PPARD: variants seen among roughly 807,000 people sequenced by gnomAD.
PPARD encodes the protein peroxisome proliferator activated receptor delta.
Under a neutral mutation model 39.5 loss-of-function variants are expected in PPARD, and 6 were observed. That is an observed-to-expected ratio of 0.15 (90% CI 0.08 to 0.30). PPARD has a LOEUF of 0.30. Among genes scored for constraint, PPARD ranks in the 10% least tolerant of loss-of-function variants. The pLI is 1.00. For synonymous variants in PPARD, 210 were observed against 231.3 expected (o/e 0.91, Z 0.83); for missense variants, 397 against 596.8 (o/e 0.67, Z 3.49).
chr6:35,406,219 A>T, intron 2 of PPARD, among the ~76,000 whole-genome samples: 1 of 152,322 alleles, frequency 6.6e-6, no homozygotes, highest in Non-Finnish European at 1.5e-5. Context: ...AGCCATGCCC[A>T]GCCCAGCCTG....
At chr6:35,399,471 C>G (rs1015231700) in intron 2 of PPARD, among the ~76,000 whole-genome samples, 9 of 149,794 alleles carry the variant, frequency 6.0e-5, no homozygotes, top group Admixed American at 2.0e-4. Flanking sequence ...TTTGAGATGC[C>G]AAGGCGGGAG....
chr6:35,393,537 T>G (rs1244475134), intron 2 of PPARD, among the ~76,000 whole-genome samples: 1 of 152,202 alleles, frequency 6.6e-6, no homozygotes, highest in Non-Finnish European at 1.5e-5. Context: ...CTCCTGGCTC[T>G]GAGTCCTGAG....
chr6:35,408,252 G>C (rs1765184908), intron 2 of PPARD, among the ~76,000 whole-genome samples: 1 of 152,238 alleles, frequency 6.6e-6, no homozygotes, highest in Non-Finnish European at 1.5e-5. Flanking sequence ...GCTCCTCCTG[G>C]TAGATTTCTG....
At chr6:35,410,232 C>T (rs74373221) in intron 2 of PPARD, among the ~76,000 whole-genome samples, 2 of 152,302 alleles carry the variant, frequency 1.3e-5, no homozygotes, top group Non-Finnish European at 2.9e-5. Flanking sequence ...CAGACATTTC[C>T]CCGCTGGGAG....
chr6:35,386,105 G>A (rs1763639323), intron 2 of PPARD, among the ~76,000 whole-genome samples: 1 of 152,148 alleles, frequency 6.6e-6, no homozygotes, highest in Non-Finnish European at 1.5e-5. Context: ...CAGGACCAGG[G>A]CAGCAGCCAA....
rs9658058 is a variant in PPARD at position 35,342,655 on chromosome 6, C to T, written c.-212C>T. The T allele has an allele frequency of 0.074, 11,304 of 152,852 alleles. 771 individuals are homozygous for T. Among genetic ancestry groups the T allele is most frequent in the African/African-American group, 0.18 (7,482 of 41,560 alleles). The allele number at this position is 152,852 out of a possible 1,614,324, so 9.5% of individuals were successfully genotyped here. ...TTCTGCGGAGCCTGCGGGACGGCGG[C>T]GGTGGCGCCGTAGGCAGCCGGGACA... On this transcript the variant is annotated 5_prime_UTR_variant, in exon 1 of 8. Coordinates refer to ENST00000360694, the MANE Select transcript of PPARD (RefSeq NM_006238.5).
Position 35,420,256 on chromosome 6 carries a change from G to T in PPARD, c.260G>T (p.Gly87Val). The change falls in exon 4 of 8, where the codon GGT (glycine) becomes GTT (valine). Residue 87 changes from glycine to valine, a missense_variant. Physicochemically the swap from Gly to Val is moderately radical, Grantham distance 109. Transcript: ENST00000360694. ...CGDKASGFHY[G>V]VHACEGCKGF... ...GACAAGGCATCGGGCTTCCACTACG[G>T]TGTTCATGCATGTGAGGGGTGCAAG... 1 of 1,594,626 alleles carries T rather than the reference G, an allele frequency of 6.3e-7. No homozygotes were observed. The highest frequency in any genetic ancestry group is 8.5e-7 in the Non-Finnish European group (1 of 1,170,038).
At chr6:35,410,934 C>A in intron 2 of PPARD, 53 bp from the exon 3 acceptor site, 1 of 1,257,882 alleles carries the variant, frequency 7.9e-7, no homozygotes, top group Non-Finnish European at 1.0e-6. Context: ...TCGCACCATC[C>A]TCTTCCTTGT....
At chr6:35,385,759 G>A (rs1249007055) in intron 2 of PPARD, among the ~76,000 whole-genome samples, 3 of 152,064 alleles carry the variant, frequency 2.0e-5, no homozygotes, top group Non-Finnish European at 1.5e-5. Context: ...GCCCCTGCGA[G>A]GCCTCCGTGT....
intron 2 of PPARD, among the ~76,000 whole-genome samples, chr6:35,371,426 A>G (rs532824314): frequency 1.4e-4 from 21 of 152,050 alleles, no homozygotes; most frequent in Non-Finnish European, 1.5e-5. Context: ...ACCAAATACT[A>G]AAGTTCTTTT....
intron 2 of PPARD, among the ~76,000 whole-genome samples, chr6:35,404,020 G>C (rs1764866426): frequency 6.6e-6 from 1 of 152,212 alleles, no homozygotes; most frequent in South Asian, 2.1e-4. Context: ...CTTTGACCAA[G>C]GTGTTCTTGA....
chr6:35,345,230 A>G (rs369291205), intron 1 of PPARD, among the ~76,000 whole-genome samples: 43 of 152,262 alleles, frequency 2.8e-4, no homozygotes, highest in African/African-American at 6.5e-4. Context: ...ATGATTGTCA[A>G]TTACCAAATT....
intron 4 of PPARD, 43 bp from the exon 5 acceptor site, chr6:35,421,777 C>G (rs1370246283): frequency 6.4e-7 from 1 of 1,565,382 alleles, no homozygotes; most frequent in East Asian, 2.3e-5. Context: ...AGCCTCCCTC[C>G]CACCTCCTGG....
chr6:35,400,094 A>AT (rs1764608348), intron 2 of PPARD, among the ~76,000 whole-genome samples: 1 of 152,036 alleles, frequency 6.6e-6, no homozygotes, highest in African/African-American at 2.4e-5. Context: ...TAACTGTGGG[A>AT]TTTTTCCATG....
chr6:35,424,917 G>A lies in PPARD; in HGVS notation c.1078+138G>A. ...TGATCTTGGCAGTGGAACATGCAAG[G>A]CACTGACTGAGCATGCAGGATCAGC... On this transcript the variant is annotated intron_variant, in intron 7 of 7. Coordinates refer to ENST00000360694, the MANE Select transcript of PPARD (RefSeq NM_006238.5). The surrounding 1 kb of genome is among the most constrained non-coding windows in gnomAD (Gnocchi z 7.1). 1 of 1,451,876 alleles carries A rather than the reference G, an allele frequency of 6.9e-7. No individual in the cohort carries two copies. The highest frequency in any genetic ancestry group is 9.0e-7 in the Non-Finnish European group (1 of 1,106,440). The allele number at this position is 1,451,876 out of a possible 1,614,324, so 89.9% of individuals were successfully genotyped here. A position where few individuals can be genotyped will look rare whatever the true frequency, so the allele number is the denominator to read the frequency against.
In PPARD at chr6:35,426,146, T is replaced by C. The variant is rs1421604573; in HGVS notation, c.*67T>C. 4.5e-6 allele frequency: 7 copies of C among 1,562,594 alleles called. No individual in the cohort carries two copies. The highest frequency in any genetic ancestry group is 6.0e-6 in the Non-Finnish European group (7 of 1,159,168). On this transcript the variant is annotated 3_prime_UTR_variant, in exon 8 of 8. Coordinates refer to ENST00000360694, the MANE Select transcript of PPARD (RefSeq NM_006238.5). ...CACTGGAGGGGCCCACCCACATGACTTTTCCATTGACCAGCCCTTGAGCAC... is the reference window on the plus strand; with the variant it reads ...CACTGGAGGGGCCCACCCACATGACCTTTCCATTGACCAGCCCTTGAGCAC...
chr6:35,400,293 G>C lies in PPARD; in HGVS notation c.-101-10694G>C, dbSNP rs894876272. Among the ~76,000 whole-genome samples, 4 of 152,166 alleles carry C rather than the reference G, an allele frequency of 2.6e-5. No homozygotes were observed. In the East Asian group the frequency reaches 5.8e-4, roughly 22 times the overall value. ...CCACCAGCCTTCGTCCCCTCACCTA[G>C]AGCATTCACAGGCGAGCAAGAGCCA... On this transcript the variant is annotated intron_variant, in intron 2 of 7. Coordinates refer to ENST00000360694, the MANE Select transcript of PPARD (RefSeq NM_006238.5).
intron 2 of PPARD, among the ~76,000 whole-genome samples, chr6:35,402,999 A>C (rs1397734198): frequency 6.6e-6 from 1 of 152,134 alleles, no homozygotes; most frequent in Non-Finnish European, 1.5e-5. Context: ...GGTGACAGCA[A>C]CTGGGTCACC....
intron 2 of PPARD, among the ~76,000 whole-genome samples, chr6:35,384,205 G>T (rs1407248651): frequency 3.5e-5 from 5 of 141,604 alleles, no homozygotes; most frequent in Non-Finnish European, 6.1e-5. Context: ...CCCCGTCCGG[G>T]AGGGAGGTGG....
Sources: gnomAD v4.1 joint callset for allele counts (sites outside exome capture counted in the v4.1 genomes callset) on GRCh38, gnomAD v4.1.1 for gene constraint, Gnocchi (gnomAD v3.1) non-coding constraint, MANE v1.5 for transcripts, NCBI Gene and HGNC (gene_info 2026-07-23, HGNC 2026-07-21) for gene names.